The following GPR89B variants were observed in gnomAD, a reference collection of about 807,000 sequenced individuals.
GPR89B encodes golgi pH regulator B, also known as G protein-coupled receptor 89B.
A neutral mutation model predicts 52.4 loss-of-function variants in GPR89B; 25 were observed. The ratio of observed to expected loss-of-function variants is 0.48; its 90% CI spans 0.35 to 0.67. GPR89B has a LOEUF of 0.67. GPR89B is among the 30% of genes least tolerant of loss of function. GPR89B has a pLI of 0.01. For missense variants in GPR89B, 146 were observed against 450.2 expected, an observed-to-expected ratio of 0.32 and a Z score of 6.11; for synonymous variants, 52 against 151.2, an observed-to-expected ratio of 0.34 and a Z score of 4.81.
chr1:147,937,074 C>T (rs1654148055), intron 2 of GPR89B, among the ~76,000 whole-genome samples: 1 of 152,064 alleles, frequency 6.6e-6, no homozygotes, highest in Non-Finnish European at 1.5e-5. Flanking sequence ...TCAGGGGAAC[C>T]AGTCCCCAAT....
Position 147,969,854 on chromosome 1 carries a change from T to C in GPR89B, c.817-13T>C, listed in dbSNP as rs1274628208. The C allele has an allele frequency of 4.4e-6, 6 of 1,348,616 alleles. No homozygotes were observed. In the Admixed American group the frequency reaches 1.6e-4, roughly 35 times the overall value. 83.5% of individuals were successfully genotyped at this position (1,348,616 alleles called of 1,614,324 possible). ...TTTGCTGAAAACTATGTTTTGTGTT[T>C]GTTTTCCCCCAGGAGAGAATAGAAT... On this transcript the variant is annotated splice_polypyrimidine_tract_variant and intron_variant, in intron 9 of 13. Transcript: ENST00000314163.
downstream of GPR89B, among the ~76,000 whole-genome samples, chr1:147,997,712 G>A (rs1659349779): frequency 6.6e-6 from 1 of 151,990 alleles, no homozygotes; most frequent in Admixed American, 6.6e-5. Flanking sequence ...TGTCTCTCTG[G>A]AGAATGTTAA....
At chr1:148,010,136 C>T in the GPR89B span, 4 of 152,170 alleles carry the variant, frequency 2.6e-5, no homozygotes, top group African/African-American at 7.3e-5. Flanking sequence ...AATAGGCTTA[C>T]ACAGATGTCT....
rs1365158140 is a variant in GPR89B, at chr1:147,942,293, C to CAA, written c.207-1136_207-1135dup. Reference sequence around the variant, plus strand: ...TCACACCAACTAAAATGGCTATAACCAAAAAAAAAACAGAAAATAACAAGT... The same window carrying CAA: ...TCACACCAACTAAAATGGCTATAACCAAAAAAAAAAAACAGAAAATAACAAGT... On this transcript the variant is annotated intron_variant, in intron 3 of 13. Transcript: ENST00000314163. Among the ~76,000 whole-genome samples the CAA allele has an allele frequency of 6.6e-4, 89 of 135,082 alleles. 2 individuals are homozygous for CAA. The highest frequency in any genetic ancestry group is 2.3e-3 in the African/African-American group (85 of 36,990). 88.6% of individuals were successfully genotyped at this position (135,082 alleles called of 152,430 possible).
the GPR89B span, among the ~76,000 whole-genome samples, chr1:148,021,003 C>T: frequency 2.0e-4 from 31 of 151,572 alleles, no homozygotes; most frequent in South Asian, 1.5e-3. Flanking sequence ...TTATCTAAGC[C>T]GAGACTTTGC....
intron 12 of GPR89B, among the ~76,000 whole-genome samples, chr1:147,990,281 C>G (rs1228483082): frequency 6.6e-6 from 1 of 152,094 alleles, no homozygotes; most frequent in Non-Finnish European, 1.5e-5. Flanking sequence ...TATCCTTTGC[C>G]CACTTTTTGA....
the GPR89B span, among the ~76,000 whole-genome samples, chr1:148,002,094 G>T: frequency 6.7e-6 from 1 of 149,506 alleles, no homozygotes; most frequent in African/African-American, 2.5e-5. Context: ...TAGCTGCTGG[G>T]TATCTCCAAC....
the GPR89B span, chr1:148,011,546 G>GA: frequency 6.6e-6 from 1 of 152,356 alleles, no homozygotes; most frequent in African/African-American, 2.4e-5. Context: ...GAGCTGCAGG[G>GA]GCCAGGGAGA....
At chr1:147,984,349 C>T (rs1658514493) in intron 10 of GPR89B, among the ~76,000 whole-genome samples, 1 of 146,406 alleles carries the variant, frequency 6.8e-6, no homozygotes. Context: ...AAAATAAAAA[C>T]TTTTTTATTA....
At chr1:148,019,174 A>T in the GPR89B span, among the ~76,000 whole-genome samples, 1 of 146,042 alleles carries the variant, frequency 6.8e-6, no homozygotes, top group Non-Finnish European at 1.5e-5. Flanking sequence ...ATGGGGTTTC[A>T]CCATATTGGC....
At chr1:147,987,341 G>A (rs1658739770) in intron 11 of GPR89B, among the ~76,000 whole-genome samples, 2 of 151,792 alleles carry the variant, frequency 1.3e-5, no homozygotes, top group East Asian at 1.9e-4. Flanking sequence ...GCAACATGGT[G>A]AAAACCTGTC....
At chr1:147,945,250 T>G (rs587691876) in intron 5 of GPR89B, among the ~76,000 whole-genome samples, 2 of 143,474 alleles carry the variant, frequency 1.4e-5, no homozygotes, top group South Asian at 4.8e-4. Flanking sequence ...TGGGCCGGGT[T>G]TTTTGGTGAA....
At chr1:147,980,818 CAAAAAAA>C (rs1176400328) in intron 10 of GPR89B, among the ~76,000 whole-genome samples, 18 of 22,568 alleles carry the variant, frequency 8.0e-4, no homozygotes, top group African/African-American at 8.4e-4. Flanking sequence ...GACTCCGTCT[CAAAAAAA>C]AAAAAAAAAA....
At chr1:147,963,902 A>G (rs1248557719) in intron 7 of GPR89B, among the ~76,000 whole-genome samples, 10 of 152,320 alleles carry the variant, frequency 6.6e-5, no homozygotes, top group Non-Finnish European at 1.3e-4. Flanking sequence ...TGTTTATGAA[A>G]ATTACGCTGA....
At chr1:147,933,015 A>G (rs1553247290) in intron 1 of GPR89B, among the ~76,000 whole-genome samples, 1 of 152,172 alleles carries the variant, frequency 6.6e-6, no homozygotes, top group Admixed American at 6.5e-5. Flanking sequence ...AATTATTTTT[A>G]TAAGATTATA....
intron 10 of GPR89B, among the ~76,000 whole-genome samples, 176 bp from the exon 11 acceptor site, chr1:147,986,023 A>G (rs1658639455): frequency 6.6e-6 from 1 of 152,374 alleles, no homozygotes. Context: ...GTTTGCCTAT[A>G]TATGAGTATC....
At chr1:147,983,477 C>G (rs1275902097) in intron 10 of GPR89B, among the ~76,000 whole-genome samples, 1 of 152,140 alleles carries the variant, frequency 6.6e-6, no homozygotes, top group Middle Eastern at 3.4e-3. Flanking sequence ...AACAAATTTA[C>G]AAGAAAAAAA....
At chr1:148,014,931 C>A in the GPR89B span, 1 of 151,520 alleles carries the variant, frequency 6.6e-6, no homozygotes, top group Non-Finnish European at 1.5e-5. Flanking sequence ...TCAACCGTAG[C>A]CGGCAAGATG....
intron 5 of GPR89B, among the ~76,000 whole-genome samples, chr1:147,946,191 A>AAATGC (rs1553249743): frequency 5.3e-5 from 8 of 151,954 alleles, no homozygotes; most frequent in Admixed American, 1.3e-4. Flanking sequence ...CAAGGTATCT[A>AAATGC]TATCATCTAT....
Sources: allele counts gnomAD v4.1 joint callset (sites outside exome capture counted in the v4.1 genomes callset), GRCh38; gene constraint gnomAD v4.1.1; transcripts MANE v1.5; gene names NCBI Gene and HGNC (gene_info 2026-07-23, HGNC 2026-07-21).